Variants in TTC28 observed in about 807,000 individuals in gnomAD.
The protein encoded by TTC28 is tetratricopeptide repeat protein 28.
In TTC28, 61 loss-of-function variants were observed where a neutral mutation model predicts 198.0. The ratio of observed to expected loss-of-function variants is 0.31; its 90% confidence interval spans 0.25 to 0.38. The LOEUF (loss-of-function observed/expected upper bound fraction) is 0.38, where lower values mean the gene tolerates loss of function less well. TTC28 is among the 10% of genes least tolerant of loss of function. The pLI is 1.00. For missense variants in TTC28, 2,678 were observed against 3,164.0 expected (o/e 0.85, Z 3.69); for synonymous variants, 1,171 against 1,297.8 (o/e 0.90, Z 2.10).
intron 2 of TTC28, among the ~76,000 whole-genome samples, chr22:28,350,636 C>T (rs1601673013): frequency 6.6e-6 from 1 of 152,020 alleles, no homozygotes; most frequent in Non-Finnish European, 1.5e-5. Context: ...TAAAGGGATC[C>T]ACGGCATGCA....
intron 12 of TTC28, among the ~76,000 whole-genome samples, chr22:28,064,186 T>C (rs546956274): frequency 7.2e-5 from 11 of 152,164 alleles, no homozygotes; most frequent in Non-Finnish European, 1.5e-4. Flanking sequence ...GATGGTCATG[T>C]TATATTTAGT....
intron 2 of TTC28, among the ~76,000 whole-genome samples, chr22:28,391,948 C>A (rs1194386843): frequency 2.6e-5 from 4 of 152,202 alleles, no homozygotes. Flanking sequence ...TTTTTCTGCT[C>A]TGTTTTTTCC....
intron 5 of TTC28, among the ~76,000 whole-genome samples, chr22:28,274,623 G>C (rs1185227547): frequency 1.3e-5 from 2 of 152,186 alleles, no homozygotes; most frequent in African/African-American, 2.4e-5. Flanking sequence ...AAGAGAGAAA[G>C]ATTGTTTCTT....
intron 2 of TTC28, among the ~76,000 whole-genome samples, chr22:28,570,811 G>A (rs142487934): frequency 5.4e-4 from 82 of 152,102 alleles, no homozygotes; most frequent in Non-Finnish European, 1.0e-3. Context: ...CAAACAAAAT[G>A]CTAAAAAAGT....
Position 28,391,804 on chromosome 22 carries a change from G to A in TTC28, c.382-85161C>T, listed in dbSNP as rs1238146900. On this transcript the variant is annotated intron_variant, in intron 2 of 22. Coordinates refer to ENST00000397906, the MANE Select transcript of TTC28 (RefSeq NM_001145418.2). Reference sequence around the variant, plus strand: ...TGATTTGAATTTCCTCCCGTAGCTCGGAGTAATTTGATCGTCTGAAGCCTT... The same window carrying A: ...TGATTTGAATTTCCTCCCGTAGCTCAGAGTAATTTGATCGTCTGAAGCCTT... Among the ~76,000 whole-genome samples the A allele has an allele frequency of 4.6e-5, 7 of 152,096 alleles. No homozygotes were observed. The East Asian group carries it at 5.8e-4, about 13-fold the overall frequency.
rs150910976 is a variant in TTC28 at position 28,111,377 on chromosome 22, T to C, written c.1442-2974A>G. On this transcript the variant is annotated intron_variant, in intron 6 of 22. Coordinates refer to ENST00000397906, the MANE Select transcript of TTC28 (RefSeq NM_001145418.2). ...AGCTTCCCGAGAGGAAATAATACCT[T>C]AGCATCACCTACAACCCTCTTAATG... is the stretch of plus-strand genomic sequence containing the variant. Among the ~76,000 whole-genome samples, 15 of 152,294 alleles carry C rather than the reference T, an allele frequency of 9.8e-5. No homozygotes were observed. The East Asian group carries it at 1.9e-3, about 20-fold the overall frequency.
In TTC28 at chr22:28,424,631, T is replaced by C. The variant is rs546740432; in HGVS notation, c.382-117988A>G. ...CATACCTAATTCTGTGCTAGCGTCA[T>C]AGCTGTTTCCAGTAAAGTTCTTACT... On this transcript the variant is annotated intron_variant, in intron 2 of 22. Transcript: ENST00000397906. Among the ~76,000 whole-genome samples, 6 of 152,322 alleles carry C rather than the reference T, an allele frequency of 3.9e-5. No individual in the cohort carries two copies. The South Asian group carries it at 1.2e-3, about 32-fold the overall frequency.
At chr22:28,140,406 GT>G (rs1406023241) in intron 6 of TTC28, among the ~76,000 whole-genome samples, 6 of 152,146 alleles carry the variant, frequency 3.9e-5, no homozygotes, top group African/African-American at 1.4e-4. Context: ...AGCTTTTAAT[GT>G]TACCAGGAAC....
At chr22:28,165,702 T>G (rs572126590) in intron 5 of TTC28, among the ~76,000 whole-genome samples, 4 of 152,252 alleles carry the variant, frequency 2.6e-5, no homozygotes, top group African/African-American at 7.2e-5. Flanking sequence ...AAGGAACAAC[T>G]GGTACCAGCC....
At chr22:28,139,045 C>A (rs1471146208) in intron 6 of TTC28, among the ~76,000 whole-genome samples, 2 of 148,442 alleles carry the variant, frequency 1.3e-5, no homozygotes, top group Non-Finnish European at 3.0e-5. Flanking sequence ...GATTTTTATC[C>A]TGATTTTGGG....
intron 1 of TTC28, among the ~76,000 whole-genome samples, chr22:28,651,498 C>T (rs1458139873): frequency 2.0e-5 from 3 of 152,190 alleles, no homozygotes; most frequent in African/African-American, 7.2e-5. Flanking sequence ...TCATTGCAGT[C>T]TCAACCTCCC....
Position 28,430,302 on chromosome 22 carries a change from C to T in TTC28, c.382-123659G>A, listed in dbSNP as rs558606876. 2.6e-5 allele frequency among the ~76,000 whole-genome samples: 4 copies of T among 152,212 alleles called. No individual in the cohort carries two copies. In the South Asian group the frequency reaches 6.2e-4, roughly 24 times the overall value. ...TATCTTGTACTCTCTAAATTTACCA[C>T]TATAGCACATTCTGCAAATATCATT... On this transcript the variant is annotated intron_variant, in intron 2 of 22. Transcript: ENST00000397906.
At chr22:28,568,213 G>A (rs779611648) in intron 2 of TTC28, among the ~76,000 whole-genome samples, 6 of 152,134 alleles carry the variant, frequency 3.9e-5, no homozygotes, top group Non-Finnish European at 7.4e-5. Flanking sequence ...GCCAGAAAAG[G>A]GGAAAAGAGT....
chr22:28,282,674 G>C (rs2044607068), intron 5 of TTC28, among the ~76,000 whole-genome samples: 1 of 152,194 alleles, frequency 6.6e-6, no homozygotes, highest in Non-Finnish European at 1.5e-5. Context: ...GTCTGTCCAT[G>C]ATAGAAGGCC....
At chr22:28,085,752 G>A (rs1335753587) in intron 12 of TTC28, among the ~76,000 whole-genome samples, 4 of 152,058 alleles carry the variant, frequency 2.6e-5, no homozygotes, top group African/African-American at 9.7e-5. Context: ...TCAGTGTGCT[G>A]TATTCAGGAA....
intron 2 of TTC28, among the ~76,000 whole-genome samples, chr22:28,376,816 T>C (rs2046418153): frequency 6.6e-6 from 1 of 151,682 alleles, no homozygotes; most frequent in South Asian, 2.1e-4. Flanking sequence ...CCTCAGAGAG[T>C]GCCCCGACCT....
At chr22:28,056,342 A>AG (rs1601568357) in intron 12 of TTC28, 1 of 152,478 alleles carries the variant, frequency 6.6e-6, no homozygotes, top group East Asian at 1.9e-4. Flanking sequence ...TGCTGAACTT[A>AG]GGGCAGACAC....
At chr22:28,656,832 C>T (rs1285239765) in intron 1 of TTC28, among the ~76,000 whole-genome samples, 2 of 152,020 alleles carry the variant, frequency 1.3e-5, no homozygotes, top group African/African-American at 4.8e-5. Context: ...TTAATGGCTG[C>T]AGCACACCAA....
At chr22:28,042,665 G>A (rs891327390) in intron 12 of TTC28, among the ~76,000 whole-genome samples, 1 of 151,774 alleles carries the variant, frequency 6.6e-6, no homozygotes, top group African/African-American at 2.4e-5. Flanking sequence ...AACCAACAGG[G>A]TTGTATACCT....
Sources: allele counts gnomAD v4.1 joint callset (sites outside exome capture counted in the v4.1 genomes callset), GRCh38; gene constraint gnomAD v4.1.1; transcripts MANE v1.5; gene names NCBI Gene and HGNC (gene_info 2026-07-23, HGNC 2026-07-21).